Variants in GPM6A observed in about 807,000 individuals in gnomAD.
The protein encoded by GPM6A is glycoprotein M6A.
Under a neutral mutation model 32.1 loss-of-function variants are expected in GPM6A, and 7 were observed. The ratio of observed to expected loss-of-function variants is 0.22; its 90% confidence interval spans 0.12 to 0.41. GPM6A has a LOEUF of 0.41. GPM6A is among the 10% of genes least tolerant of loss of function. GPM6A has a pLI of 1.00. For synonymous variants in GPM6A, 130 were observed against 123.4 expected (o/e 1.05, Z -0.35); for missense variants, 235 against 347.2 (o/e 0.68, Z 2.57).
chr4:175,852,881 G>C (rs1736301626), intron 1 of GPM6A, among the ~76,000 whole-genome samples: 1 of 152,118 alleles, frequency 6.6e-6, no homozygotes, highest in Non-Finnish European at 1.5e-5. Flanking sequence ...AATCAGAAAA[G>C]ATATATCACC....
intron 1 of GPM6A, among the ~76,000 whole-genome samples, chr4:175,886,173 T>C (rs1264367629): frequency 6.6e-6 from 1 of 152,110 alleles, no homozygotes; most frequent in Non-Finnish European, 1.5e-5. Context: ...AAGAACAGTC[T>C]ACCAGTAACA....
chr4:175,651,894 T>C lies in GPM6A; in HGVS notation c.481A>G (p.Ile161Val). Reference sequence around the variant, plus strand: ...TCCACTAATGTGGTGTTCCGGCAGATGGTCCACAGATTGAAGTACATGTAA... The same window carrying C: ...TCCACTAATGTGGTGTTCCGGCAGACGGTCCACAGATTGAAGTACATGTAA... ...PVYMYFNLWT[I>V]CRNTTLVEGA... The change falls in exon 4 of 7, where the codon ATC (isoleucine) becomes GTC (valine). Residue 161 changes from isoleucine (I) to valine (V), a missense_variant. Coordinates refer to ENST00000393658, the MANE Select transcript of GPM6A (RefSeq NM_201591.3). 2 of 1,613,574 alleles carry C rather than the reference T, an allele frequency of 1.2e-6. No individual in the cohort carries two copies. Among genetic ancestry groups the C allele is most frequent in the Non-Finnish European group, 1.7e-6 (2 of 1,179,632 alleles).
intron 1 of GPM6A, chr4:175,781,426 T>A (rs913232070): frequency 1.3e-5 from 2 of 152,226 alleles, no homozygotes; most frequent in African/African-American, 4.8e-5. Context: ...TCCCTACTTC[T>A]GGATCTGAAA....
In GPM6A at chr4:175,998,986, ACCT is replaced by A. The variant is rs1741396267; in HGVS notation, c.-23+3320_-23+3322del. Among the ~76,000 whole-genome samples, 17 of 152,030 alleles carry A rather than the reference ACCT, an allele frequency of 1.1e-4. No individual in the cohort carries two copies. The South Asian group carries it at 3.3e-3, about 30-fold the overall frequency. On this transcript the variant is annotated intron_variant, in intron 1 of 7. Coordinates refer to the GPM6A transcript ENST00000280187. Reference sequence around the variant, plus strand: ...CCATGTCTTACTGTTCCCCAAACACACCTCCTTACTGCCATGAGAAGGAGCTCC... The same window carrying A: ...CCATGTCTTACTGTTCCCCAAACACACCTTACTGCCATGAGAAGGAGCTCC...
intron 1 of GPM6A, among the ~76,000 whole-genome samples, chr4:175,763,990 A>G (rs1732858778): frequency 1.3e-5 from 2 of 152,174 alleles, no homozygotes. Context: ...CAAATAAAAT[A>G]TTTTTTGGTC....
intron 2 of GPM6A, among the ~76,000 whole-genome samples, chr4:175,688,401 C>T (rs1381449813): frequency 6.6e-6 from 1 of 152,160 alleles, no homozygotes; most frequent in Non-Finnish European, 1.5e-5. Context: ...CATTCAATTT[C>T]ATCATATTGC....
At position 175,640,184 on chromosome 4, in the gene GPM6A, G is replaced by A. The variant is rs201095474; in HGVS notation, c.629C>T (p.Thr210Ile). The A allele has an allele frequency of 7.5e-5, 121 of 1,613,336 alleles. No individual in the cohort carries two copies. The highest frequency in any genetic ancestry group is 1.0e-4 in the Admixed American group (6 of 59,976). The change falls in exon 6 of 7, where the codon ACC becomes ATC. Residue 210 changes from threonine to isoleucine, a missense_variant. Thr to Ile is a moderately conservative substitution (Grantham distance 89). Coordinates refer to ENST00000393658, the MANE Select transcript of GPM6A (RefSeq NM_201591.3). Reference sequence around the variant, plus strand: ...AAGTGCCACAATAAACAAGTGGAAGGTCATGTTCAGCTGCAATGGAAACCA... The same window carrying A: ...AAGTGCCACAATAAACAAGTGGAAGATCATGTTCAGCTGCAATGGAAACCA... The part of the protein sequence containing the change: ...RMCESTELNM[T>I]FHLFIVALAG...
chr4:175,878,675 T>C (rs1187201203), intron 1 of GPM6A, among the ~76,000 whole-genome samples: 1 of 152,102 alleles, frequency 6.6e-6, no homozygotes, highest in African/African-American at 2.4e-5. Flanking sequence ...TGGGATGGGC[T>C]GCCTTGAAGG....
At chr4:175,735,687 G>A (rs1025140634) in intron 1 of GPM6A, among the ~76,000 whole-genome samples, 5 of 152,060 alleles carry the variant, frequency 3.3e-5, no homozygotes, top group South Asian at 4.1e-4. Flanking sequence ...AGCCTCCTGA[G>A]TAGCTGGGAT....
chr4:175,917,512 G>C, intron 1 of GPM6A, among the ~76,000 whole-genome samples: 1 of 152,146 alleles, frequency 6.6e-6, no homozygotes, highest in Non-Finnish European at 1.5e-5. Context: ...GACCTAACAA[G>C]AACAAAGAAG....
intron 1 of GPM6A, among the ~76,000 whole-genome samples, chr4:175,768,444 C>T (rs868112920): frequency 1.3e-5 from 2 of 151,870 alleles, no homozygotes; most frequent in African/African-American, 4.8e-5. Context: ...GGGAAAATGA[C>T]GTAGCTTGTT....
At chr4:175,816,717 A>G (rs538517019), upstream of GPM6A, among the ~76,000 whole-genome samples, 8 of 152,350 alleles carry the variant, frequency 5.3e-5, no homozygotes, top group African/African-American at 1.9e-4. Context: ...CAAATGTTTC[A>G]GACACAGAAT....
intron 2 of GPM6A, among the ~76,000 whole-genome samples, chr4:175,683,303 C>T (rs1743789301): frequency 1.3e-5 from 2 of 152,128 alleles, no homozygotes; most frequent in African/African-American, 4.8e-5. Flanking sequence ...CTGTCTGTGT[C>T]TCCATTGTAT....
At chr4:175,667,429 T>C (rs909568941) in intron 3 of GPM6A, among the ~76,000 whole-genome samples, 4 of 152,162 alleles carry the variant, frequency 2.6e-5, no homozygotes, top group African/African-American at 9.6e-5. Context: ...ATGAAAGTCT[T>C]AGAAAATGTT....
At chr4:175,739,133 T>C (rs1302124915) in intron 1 of GPM6A, among the ~76,000 whole-genome samples, 1 of 152,190 alleles carries the variant, frequency 6.6e-6, no homozygotes, top group Non-Finnish European at 1.5e-5. Context: ...TACTTTATTT[T>C]AGTTTTCATC....
chr4:175,736,643 C>T (rs1731672661), intron 1 of GPM6A, among the ~76,000 whole-genome samples: 1 of 152,026 alleles, frequency 6.6e-6, no homozygotes, highest in Admixed American at 6.5e-5. Context: ...GAAATATAGC[C>T]TTCAGATTTA....
chr4:175,840,495 T>C (rs1280318867), intron 1 of GPM6A, among the ~76,000 whole-genome samples: 1 of 152,136 alleles, frequency 6.6e-6, no homozygotes, highest in Non-Finnish European at 1.5e-5. Context: ...CTGGCTAACA[T>C]GGCGAAACAT....
intron 1 of GPM6A, among the ~76,000 whole-genome samples, chr4:175,817,700 A>G (rs1039918025): frequency 6.6e-6 from 1 of 152,218 alleles, no homozygotes; most frequent in Non-Finnish European, 1.5e-5. Flanking sequence ...GAACAGTTGA[A>G]AGAGAATACA....
chr4:175,730,471 C>T (rs1163191088), intron 1 of GPM6A, among the ~76,000 whole-genome samples: 23 of 133,176 alleles, frequency 1.7e-4, no homozygotes, highest in Admixed American at 2.3e-4. Context: ...TCGATCTCTT[C>T]TTTTTTTTTT....
Sources: gnomAD v4.1 joint callset for allele counts (sites outside exome capture counted in the v4.1 genomes callset) on GRCh38, gnomAD v4.1.1 for gene constraint, MANE v1.5 for transcripts, NCBI Gene and HGNC (gene_info 2026-07-23, HGNC 2026-07-21) for gene names.